The following XPNPEP3 variants were observed in gnomAD, a reference collection of about 807,000 sequenced individuals.
The protein encoded by XPNPEP3 is X-prolyl aminopeptidase 3, also known as xaa-Pro aminopeptidase 3.
A neutral mutation model predicts 60.0 loss-of-function variants in XPNPEP3; 41 were observed. The observed-to-expected ratio is 0.68, with a 90% confidence interval of 0.53 to 0.89. XPNPEP3 has a LOEUF of 0.89. Ranked by LOEUF, XPNPEP3 falls within the 40% of genes least tolerant of loss-of-function variation. XPNPEP3 has a pLI of 0.00. For synonymous variants in XPNPEP3, 212 were observed against 223.2 expected (o/e 0.95, Z 0.45); for missense variants, 598 against 638.9 (o/e 0.94, Z 0.69).
rs779823914 is a variant in XPNPEP3, at chr22:40,886,319, C to T, written c.596C>T (p.Thr199Met). ...TTCGGCTTCTCATTCTAAGCTGAGA[C>T]GAACATGGTTTGGTATGACTGGATG... ...QHLLPKMKAE[T>M]NMVWYDWMRP... The change falls in exon 4 of 10, where the codon ACG (threonine) becomes ATG (methionine). Residue 199 changes from threonine to methionine, a missense_variant. By Grantham distance (81) the Thr-to-Met change is moderately conservative (BLOSUM62 -1). Coordinates refer to ENST00000357137, the MANE Select transcript of XPNPEP3 (RefSeq NM_022098.4). 1.2e-5 allele frequency: 19 copies of T among 1,613,824 alleles called. No individual in the cohort carries two copies. In the African/African-American group the frequency reaches 1.3e-4, roughly 11 times the overall value.
intron 1 of XPNPEP3, 91 bp downstream of exon 1, chr22:40,857,336 T>C: frequency 1.4e-6 from 2 of 1,426,254 alleles, no homozygotes; most frequent in Non-Finnish European, 1.9e-6. Flanking sequence ...CTGACCCTTC[T>C]CCTGGTGGGG....
intron 1 of XPNPEP3, among the ~76,000 whole-genome samples, chr22:40,867,931 T>C (rs1341082601): frequency 1.4e-5 from 2 of 146,068 alleles, no homozygotes; most frequent in African/African-American, 5.2e-5. Context: ...GAGTGAGACC[T>C]GTCTCAAAAA....
At chr22:40,909,574 G>A (rs536712273) in intron 6 of XPNPEP3, among the ~76,000 whole-genome samples, 1 of 152,182 alleles carries the variant, frequency 6.6e-6, no homozygotes, top group South Asian at 2.1e-4. Flanking sequence ...AGACCAGCCT[G>A]GCCAACATGG....
At position 40,932,566 on chromosome 22, in the gene XPNPEP3, A is replaced by G. The variant is rs1601526692; in HGVS notation, c.*6131A>G. Reference sequence around the variant, plus strand: ...TGTGTCACTGAGTTTGAGCATCATTATTGTTTGAATCAGAGGACCCACTGG... The same window carrying G: ...TGTGTCACTGAGTTTGAGCATCATTGTTGTTTGAATCAGAGGACCCACTGG... On this transcript the variant is annotated 3_prime_UTR_variant, in exon 10 of 10. Transcript: ENST00000357137. The G allele has an allele frequency of 6.6e-6, 1 of 152,124 alleles. No homozygotes were observed. Among genetic ancestry groups the G allele is most frequent in the Non-Finnish European group, 1.5e-5 (1 of 68,040 alleles). 9.4% of individuals were successfully genotyped at this position (152,124 alleles called of 1,614,324 possible).
intron 1 of XPNPEP3, 61 bp from the exon 2 acceptor site, chr22:40,868,934 GTATT>G: frequency 7.8e-7 from 1 of 1,283,266 alleles, no homozygotes; most frequent in Non-Finnish European, 1.1e-6. Context: ...AGAGATAAGT[GTATT>G]TATACCATGA....
At chr22:40,864,419 G>T (rs2145770507) in intron 1 of XPNPEP3, among the ~76,000 whole-genome samples, 1 of 152,152 alleles carries the variant, frequency 6.6e-6, no homozygotes, top group South Asian at 2.1e-4. Context: ...ATTTGACAGG[G>T]ACTTATTTTA....
chr22:40,877,042 G>A (rs1362029931), intron 2 of XPNPEP3, among the ~76,000 whole-genome samples: 1 of 152,132 alleles, frequency 6.6e-6, no homozygotes, highest in Non-Finnish European at 1.5e-5. Flanking sequence ...TTCATAGGCA[G>A]CCACTCTTTT....
At chr22:40,860,523 A>G (rs2057936426) in intron 1 of XPNPEP3, 1 of 681,548 alleles carries the variant, frequency 1.5e-6, no homozygotes, top group Non-Finnish European at 2.1e-6. Flanking sequence ...GTCTTGATAC[A>G]TTCTTGTCTT....
At chr22:40,861,381 A>T (rs746473785) in intron 1 of XPNPEP3, 2 of 1,613,816 alleles carry the variant, frequency 1.2e-6, no homozygotes, top group Non-Finnish European at 1.7e-6. Context: ...ATCACTTTCA[A>T]TAATTTTCTT....
chr22:40,917,466 G>T (rs2058200252), intron 7 of XPNPEP3: 1 of 152,192 alleles, frequency 6.6e-6, no homozygotes, highest in Admixed American at 6.6e-5. Flanking sequence ...TTTGGGAGGA[G>T]ATGGTAATGA....
rs6002190 is a variant in XPNPEP3, at chr22:40,899,208, C to T, written c.793-8379C>T. Among the ~76,000 whole-genome samples, 233 of 152,214 alleles carry T rather than the reference C, an allele frequency of 1.5e-3. 4 individuals carry two copies. Among genetic ancestry groups the T allele is most frequent in the African/African-American group, 5.3e-3 (219 of 41,534 alleles). ...GAATTATTTTAGCTGTGGTTGGTCT[C>T]AGCTGACTCATCAAAAAAATGATAG... On this transcript the variant is annotated intron_variant, in intron 4 of 9. Coordinates refer to ENST00000357137, the MANE Select transcript of XPNPEP3 (RefSeq NM_022098.4).
At chr22:40,924,680 G>A (rs935559969) in intron 9 of XPNPEP3, among the ~76,000 whole-genome samples, 198 bp downstream of exon 9, 89 of 152,148 alleles carry the variant, frequency 5.8e-4, no homozygotes, top group African/African-American at 2.0e-3. Context: ...CGGCCACCAC[G>A]CCTGGCTAAT....
intron 1 of XPNPEP3, among the ~76,000 whole-genome samples, chr22:40,867,986 C>G (rs1342429225): frequency 1.3e-5 from 2 of 151,120 alleles, no homozygotes; most frequent in Non-Finnish European, 2.9e-5. Flanking sequence ...TGTGTGAATC[C>G]ACTGTTGCAT....
chr22:40,912,383 A>G (rs1474651005), intron 6 of XPNPEP3, among the ~76,000 whole-genome samples: 1 of 151,594 alleles, frequency 6.6e-6, no homozygotes, highest in Non-Finnish European at 1.5e-5. Flanking sequence ...TTATACTTCT[A>G]CTCTTCCTAA....
At chr22:40,886,241 C>T (rs1407677073) in intron 3 of XPNPEP3, 72 bp from the exon 4 acceptor site, 4 of 1,487,556 alleles carry the variant, frequency 2.7e-6, no homozygotes, top group East Asian at 4.5e-5. Context: ...TTGTTCAAGT[C>T]GTTATGACAG....
intron 3 of XPNPEP3, 122 bp from the exon 4 acceptor site, chr22:40,886,191 A>T: frequency 1.0e-6 from 1 of 954,598 alleles, no homozygotes; most frequent in African/African-American, 1.6e-5. Flanking sequence ...AAGTCTCAAC[A>T]CTTTAGAGTT....
At chr22:40,913,892 C>G (rs1244493939) in intron 6 of XPNPEP3, among the ~76,000 whole-genome samples, 1 of 151,980 alleles carries the variant, frequency 6.6e-6, no homozygotes, top group Non-Finnish European at 1.5e-5. Context: ...CGCCTGTAAT[C>G]CCCGCACTTT....
At chr22:40,897,317 C>T (rs1302222825) in intron 4 of XPNPEP3, among the ~76,000 whole-genome samples, 3 of 152,088 alleles carry the variant, frequency 2.0e-5, no homozygotes, top group African/African-American at 4.8e-5. Flanking sequence ...CGTAATCCAC[C>T]GTGCCCGGCC....
At chr22:40,910,698 C>G (rs962028879) in intron 6 of XPNPEP3, among the ~76,000 whole-genome samples, 12 of 151,492 alleles carry the variant, frequency 7.9e-5, no homozygotes, top group African/African-American at 2.7e-4. Context: ...AGAGCAAGAC[C>G]CTGTCTTTAA....
Sources: allele counts gnomAD v4.1 joint callset (sites outside exome capture counted in the v4.1 genomes callset), GRCh38; gene constraint gnomAD v4.1.1; transcripts MANE v1.5; gene names NCBI Gene and HGNC (gene_info 2026-07-23, HGNC 2026-07-21).